The following UBE2K variants were observed in gnomAD, a reference collection of about 807,000 sequenced individuals.
UBE2K encodes the protein ubiquitin conjugating enzyme E2 K.
Under a neutral mutation model 30.0 loss-of-function variants are expected in UBE2K, and 6 were observed. That is an observed-to-expected ratio of 0.20 (90% confidence interval 0.11 to 0.39). UBE2K has a LOEUF of 0.39. Among genes scored for constraint, UBE2K ranks in the 10% least tolerant of loss-of-function variants. The pLI, the probability that UBE2K is intolerant of heterozygous loss-of-function variation, is 1.00. For synonymous variants in UBE2K, 86 were observed against 83.7 expected (o/e 1.03, Z -0.15); for missense variants, 61 against 241.6 (o/e 0.25, Z 4.96).
At chr4:39,730,544 T>C (rs950884466) in intron 1 of UBE2K, among the ~76,000 whole-genome samples, 6 of 151,830 alleles carry the variant, frequency 4.0e-5, no homozygotes, top group South Asian at 4.2e-4. Flanking sequence ...CTGAGGCTGG[T>C]AGATCTTGAG....
chr4:39,756,058 T>A (rs1721502825), intron 4 of UBE2K, among the ~76,000 whole-genome samples: 1 of 152,254 alleles, frequency 6.6e-6, no homozygotes, highest in Non-Finnish European at 1.5e-5. Flanking sequence ...AGAAAGTAAG[T>A]ATTGAAGTAG....
At position 39,698,215 on chromosome 4, in the gene UBE2K, G is replaced by C. The variant is rs1248641947; in HGVS notation, c.-113G>C. 27 of 1,026,430 alleles carry C rather than the reference G, an allele frequency of 2.6e-5. No individual in the cohort carries two copies. The highest frequency in any genetic ancestry group is 3.9e-5 in the Non-Finnish European group (26 of 668,698). 63.6% of individuals were successfully genotyped at this position (1,026,430 alleles called of 1,614,324 possible). A position where few individuals can be genotyped will look rare whatever the true frequency, so the allele number is the denominator to read the frequency against. On this transcript the variant is annotated 5_prime_UTR_variant, in exon 1 of 7. Transcript: ENST00000261427. ...CCGGGGTGGTAGTGGCAGTGTTCGT[G>C]TGCTCAGGTCTGAATCGCCGAGGGA...
chr4:39,773,130 A>C (rs1713022210), intron 4 of UBE2K, among the ~76,000 whole-genome samples: 1 of 152,204 alleles, frequency 6.6e-6, no homozygotes, highest in South Asian at 2.1e-4. Flanking sequence ...AGTTTAATCC[A>C]AAAAACTTGT....
chr4:39,774,014 C>T (rs888620138), intron 4 of UBE2K, among the ~76,000 whole-genome samples: 1 of 152,032 alleles, frequency 6.6e-6, no homozygotes, highest in South Asian at 2.1e-4. Context: ...AATAGAAAAG[C>T]TGGCCGAGTG....
At chr4:39,770,082 T>C in intron 4 of UBE2K, 1 of 1,545,344 alleles carries the variant, frequency 6.5e-7, no homozygotes, top group Non-Finnish European at 8.7e-7. Flanking sequence ...CCTGCGCGGC[T>C]AGCGGATGAG....
chr4:39,770,955 C>T, intron 4 of UBE2K: 1 of 1,587,324 alleles, frequency 6.3e-7, no homozygotes, highest in East Asian at 2.2e-5. Context: ...TCGGGGCTGG[C>T]TTTGGGGTCC....
At chr4:39,724,388 A>G (rs563275237) in intron 1 of UBE2K, among the ~76,000 whole-genome samples, 2 of 152,048 alleles carry the variant, frequency 1.3e-5, no homozygotes, top group Admixed American at 1.3e-4. Flanking sequence ...TACAGGTATT[A>G]GCCACTGCAC....
chr4:39,756,238 A>G (rs1379066367), intron 4 of UBE2K, among the ~76,000 whole-genome samples: 1 of 152,170 alleles, frequency 6.6e-6, no homozygotes, highest in Admixed American at 6.5e-5. Context: ...TTTGCTCTGC[A>G]CAGCATTAAA....
At chr4:39,749,305 C>T (rs1482053391) in intron 3 of UBE2K, among the ~76,000 whole-genome samples, 1 of 152,070 alleles carries the variant, frequency 6.6e-6, no homozygotes, top group Non-Finnish European at 1.5e-5. Flanking sequence ...CATTAAATTG[C>T]AATGTATATT....
At chr4:39,764,205 A>T (rs1000322252) in intron 4 of UBE2K, among the ~76,000 whole-genome samples, 7 of 152,186 alleles carry the variant, frequency 4.6e-5, no homozygotes, top group Admixed American at 3.9e-4. Flanking sequence ...AAATTTTAAA[A>T]TTAGCTGGGC....
At chr4:39,724,223 T>G (rs1403826579) in intron 1 of UBE2K, among the ~76,000 whole-genome samples, 1 of 151,574 alleles carries the variant, frequency 6.6e-6, no homozygotes, top group Admixed American at 6.6e-5. Context: ...TCCTCCAACC[T>G]CAGCCTCCCA....
At chr4:39,771,331 G>T (rs1712814568) in intron 4 of UBE2K, 6 of 1,612,532 alleles carry the variant, frequency 3.7e-6, no homozygotes, top group Middle Eastern at 1.7e-4. Flanking sequence ...GGCCACAATG[G>T]TCACGTCGCA....
intron 4 of UBE2K, among the ~76,000 whole-genome samples, chr4:39,758,483 G>C (rs1417668805): frequency 6.6e-6 from 1 of 152,144 alleles, no homozygotes; most frequent in Non-Finnish European, 1.5e-5. Context: ...TTTGAGACCA[G>C]CCTGGCCAAC....
chr4:39,744,253 A>G (rs2109358573), intron 2 of UBE2K, among the ~76,000 whole-genome samples: 1 of 152,080 alleles, frequency 6.6e-6, no homozygotes, highest in Admixed American at 6.5e-5. Context: ...GCTCACTGCA[A>G]GCTCCGCCTC....
chr4:39,764,215 C>T (rs1220400372), intron 4 of UBE2K, among the ~76,000 whole-genome samples: 1 of 152,114 alleles, frequency 6.6e-6, no homozygotes, highest in Non-Finnish European at 1.5e-5. Flanking sequence ...ATTAGCTGGG[C>T]ATGGTGTTGC....
At chr4:39,700,644 C>G (rs1717956901) in intron 1 of UBE2K, among the ~76,000 whole-genome samples, 2 of 152,098 alleles carry the variant, frequency 1.3e-5, no homozygotes, top group Admixed American at 1.3e-4. Context: ...TAAATACAGT[C>G]TTTTGAATGG....
rs919841095 is a variant in UBE2K at position 39,780,110 on chromosome 4, T to C, written c.*1676T>C. The C allele has an allele frequency of 3.9e-5, 6 of 152,176 alleles. No individual in the cohort carries two copies. The highest frequency in any genetic ancestry group is 1.4e-4 in the African/African-American group (6 of 41,460). The allele number at this position is 152,176 out of a possible 1,614,324, so 9.4% of individuals were successfully genotyped here. A position where few individuals can be genotyped will look rare whatever the true frequency, so the allele number is the denominator to read the frequency against. ...ATACTAAACACAAGTTGCTGTTTTTTCCCCATATGTTTGCTTACGCATGTC... is the reference window on the plus strand; with the variant it reads ...ATACTAAACACAAGTTGCTGTTTTTCCCCCATATGTTTGCTTACGCATGTC... On this transcript the variant is annotated 3_prime_UTR_variant, in exon 7 of 7. Transcript: ENST00000261427.
At chr4:39,708,133 C>T (rs186826110) in intron 1 of UBE2K, among the ~76,000 whole-genome samples, 1 of 152,142 alleles carries the variant, frequency 6.6e-6, no homozygotes, top group African/African-American at 2.4e-5. Context: ...CTCCGGGACT[C>T]AGGTGATCTG....
chr4:39,702,047 C>T (rs1002412780), intron 1 of UBE2K, among the ~76,000 whole-genome samples: 36 of 151,878 alleles, frequency 2.4e-4, no homozygotes, highest in African/African-American at 8.7e-4. Flanking sequence ...AGGCATGAGC[C>T]ACCACACCCA....
Sources: gnomAD v4.1 joint callset for allele counts (sites outside exome capture counted in the v4.1 genomes callset) on GRCh38, gnomAD v4.1.1 for gene constraint, MANE v1.5 for transcripts, NCBI Gene and HGNC (gene_info 2026-07-23, HGNC 2026-07-21) for gene names.